The following UTRN variants were observed in gnomAD, a reference collection of about 807,000 sequenced individuals.
UTRN encodes the protein dystrophin-related protein 1.
A neutral mutation model predicts 463.9 loss-of-function variants in UTRN; 283 were observed. The observed-to-expected ratio is 0.61, with a 90% CI of 0.55 to 0.67. The LOEUF (loss-of-function observed/expected upper bound fraction) is 0.67, where lower values mean the gene tolerates loss of function less well. Among genes scored for constraint, UTRN ranks in the 30% least tolerant of loss-of-function variants. The pLI is 0.00. For synonymous variants in UTRN, 1,442 were observed against 1,431.5 expected (o/e 1.01, Z -0.17); for missense variants, 3,922 against 4,084.3 (o/e 0.96, Z 1.08).
chr6:144,470,845 C>T (rs187650521), intron 23 of UTRN, among the ~76,000 whole-genome samples: 4 of 151,792 alleles, frequency 2.6e-5, no homozygotes, highest in African/African-American at 9.7e-5. Flanking sequence ...GCCAACACGG[C>T]GAAACCCCGT....
chr6:144,535,759 T>A (rs1227318315), intron 43 of UTRN, among the ~76,000 whole-genome samples: 2 of 152,196 alleles, frequency 1.3e-5, no homozygotes, highest in Non-Finnish European at 2.9e-5. Context: ...AGTATTTGCA[T>A]AGTTCAGCAA....
rs554934837 is a variant in UTRN, at chr6:144,790,122, G to A, written c.8920+843G>A. 4.6e-5 allele frequency among the ~76,000 whole-genome samples: 7 copies of A among 152,336 alleles called. No individual in the cohort carries two copies. In the East Asian group the frequency reaches 9.6e-4, roughly 21 times the overall value. Reference sequence around the variant, plus strand: ...ATTCCTGCTTGGAGAATAATTAGGAGTAATGTTTAAGGTACCTAGAAATAG... The same window carrying A: ...ATTCCTGCTTGGAGAATAATTAGGAATAATGTTTAAGGTACCTAGAAATAG... On this transcript the variant is annotated intron_variant, in intron 62 of 74. Coordinates refer to ENST00000367545, the MANE Select transcript of UTRN (RefSeq NM_007124.3).
At chr6:144,343,749 AT>A (rs1348206803) in intron 2 of UTRN, among the ~76,000 whole-genome samples, 3 of 152,190 alleles carry the variant, frequency 2.0e-5, no homozygotes, top group Non-Finnish European at 2.9e-5. Flanking sequence ...TAGTGAAATA[AT>A]AAGTCCAATT....
chr6:144,537,497 A>G, intron 43 of UTRN, 85 bp from the exon 44 acceptor site: 1 of 891,600 alleles, frequency 1.1e-6, no homozygotes, highest in Admixed American at 4.1e-5. Context: ...GGAAATATTT[A>G]GTCAGGATAT....
intron 3 of UTRN, among the ~76,000 whole-genome samples, chr6:144,416,203 T>C (rs1167597712): frequency 6.6e-6 from 1 of 152,206 alleles, no homozygotes; most frequent in Non-Finnish European, 1.5e-5. Flanking sequence ...TCGGTCACCC[T>C]ATGACCTGGT....
At position 144,661,457 on chromosome 6, in the gene UTRN, C is replaced by G. The variant is rs138531117; in HGVS notation, c.7480-16949C>G. On this transcript the variant is annotated intron_variant, in intron 51 of 74. Coordinates refer to ENST00000367545, the MANE Select transcript of UTRN (RefSeq NM_007124.3). ...TGTAATGTAAGGATTAGGCTTGTAA[C>G]ACAGGGCGGACTTCGACCTCTCGCT... is the stretch of plus-strand genomic sequence containing the variant. Among the ~76,000 whole-genome samples, 20 of 152,294 alleles carry G rather than the reference C, an allele frequency of 1.3e-4. No homozygotes were observed. The East Asian group carries it at 2.7e-3, about 21-fold the overall frequency.
At chr6:144,412,720 TTG>T (rs201336159) in intron 3 of UTRN, among the ~76,000 whole-genome samples, 4,485 of 132,824 alleles carry the variant, frequency 0.034, 134 homozygotes, top group African/African-American at 0.096. Flanking sequence ...CTATATATGT[TTG>T]TGTGTGTGTG....
In UTRN at chr6:144,690,091, T is replaced by G. The variant is rs1167051970; in HGVS notation, c.7653-9996T>G. 1.6e-3 allele frequency among the ~76,000 whole-genome samples: 54 copies of G among 34,400 alleles called. 2 individuals are homozygous for G. Among genetic ancestry groups the G allele is most frequent in the African/African-American group, 5.9e-3 (39 of 6,648 alleles). 22.6% of individuals were successfully genotyped at this position (34,400 alleles called of 152,430 possible). On this transcript the variant is annotated intron_variant, in intron 52 of 74. Transcript: ENST00000367545. ...AAGTTTCTGTTTTTTTTTTTTTTTT[T>G]TTTTTGTGTGTGTGTGTGTGTGTGT...
At chr6:144,615,514 T>C (rs1276019669) in intron 51 of UTRN, among the ~76,000 whole-genome samples, 1 of 152,166 alleles carries the variant, frequency 6.6e-6, no homozygotes, top group African/African-American at 2.4e-5. Flanking sequence ...TTTAGGACTT[T>C]TTCATTCAGT....
Position 144,381,159 on chromosome 6 carries a change from C to T in UTRN, c.80-21964C>T, listed in dbSNP as rs543345417. On this transcript the variant is annotated intron_variant, in intron 2 of 74. Transcript: ENST00000367545. ...GTATCCATTAGTTATTTTTCGTGAT[C>T]GTTTCCCTCCCCCCAACCTCCACCC... 9.2e-5 allele frequency among the ~76,000 whole-genome samples: 14 copies of T among 152,142 alleles called. No homozygotes were observed. In the South Asian group the frequency reaches 2.3e-3, roughly 25 times the overall value.
intron 62 of UTRN, among the ~76,000 whole-genome samples, chr6:144,789,760 ACAGT>A (rs1471812714): frequency 6.6e-6 from 1 of 152,218 alleles, no homozygotes; most frequent in East Asian, 1.9e-4. Flanking sequence ...TAGAACCTTT[ACAGT>A]CATAGACGAT....
intron 58 of UTRN, among the ~76,000 whole-genome samples, chr6:144,766,361 T>G (rs1385843185): frequency 1.3e-5 from 2 of 152,040 alleles, no homozygotes; most frequent in East Asian, 3.8e-4. Flanking sequence ...GGCAGTTGAA[T>G]GCAAAATCGA....
chr6:144,417,596 C>A (rs1193845456), intron 3 of UTRN, among the ~76,000 whole-genome samples: 1 of 152,082 alleles, frequency 6.6e-6, no homozygotes. Context: ...TTCCGTATGG[C>A]CTATGAGCTG....
chr6:144,321,997 C>A (rs1208167708), intron 2 of UTRN, among the ~76,000 whole-genome samples: 11 of 152,146 alleles, frequency 7.2e-5, no homozygotes, highest in Admixed American at 4.6e-4. Flanking sequence ...CTTCTGACTT[C>A]AAGCGATCCA....
intron 25 of UTRN, among the ~76,000 whole-genome samples, chr6:144,478,963 A>G (rs1339872430): frequency 6.6e-6 from 1 of 152,304 alleles, no homozygotes; most frequent in East Asian, 1.9e-4. Flanking sequence ...TGGCATATAC[A>G]AACATAGTAG....
intron 18 of UTRN, 22 bp from the exon 19 acceptor site, chr6:144,453,760 T>C (rs1297222212): frequency 1.2e-6 from 2 of 1,604,166 alleles, no homozygotes; most frequent in East Asian, 4.5e-5. Context: ...GCAATATTCT[T>C]ATGTTGGGAC....
chr6:144,580,974 A>AG (rs1801917309), intron 51 of UTRN, among the ~76,000 whole-genome samples: 1 of 152,222 alleles, frequency 6.6e-6, no homozygotes, highest in African/African-American at 2.4e-5. Context: ...AGACTGAGGA[A>AG]GGGGAAAGGC....
chr6:144,419,382 A>G (rs561872019), intron 3 of UTRN, among the ~76,000 whole-genome samples: 2 of 152,328 alleles, frequency 1.3e-5, no homozygotes, highest in Admixed American at 1.3e-4. Flanking sequence ...TGAATAAGTA[A>G]CAGTGTATTC....
intron 65 of UTRN, among the ~76,000 whole-genome samples, chr6:144,812,561 T>C (rs1335472038): frequency 6.6e-6 from 1 of 152,198 alleles, no homozygotes; most frequent in Admixed American, 6.5e-5. Flanking sequence ...TGCATTCATA[T>C]AGAGATATAC....
Sources: allele counts gnomAD v4.1 joint callset (sites outside exome capture counted in the v4.1 genomes callset), GRCh38; gene constraint gnomAD v4.1.1; transcripts MANE v1.5; gene names NCBI Gene and HGNC (gene_info 2026-07-23, HGNC 2026-07-21).